IGSF10: variants seen among roughly 807,000 people sequenced by gnomAD.
IGSF10 encodes the protein immunoglobulin superfamily member 10.
IGSF10 carries 126 observed loss-of-function variants against 128.2 expected under a neutral mutation model. The observed-to-expected ratio is 0.98, with a 90% CI of 0.85 to 1.14. The LOEUF (loss-of-function observed/expected upper bound fraction) is 1.14, where lower values mean the gene tolerates loss of function less well. Among genes scored for constraint, IGSF10 ranks in the 50% most tolerant of loss-of-function variants. The probability of loss-of-function intolerance (pLI) is 0.00; values close to 1 mark genes in which losing one functional copy is unlikely to be tolerated. For synonymous variants in IGSF10, 1,185 were observed against 1,146.2 expected (o/e 1.03, Z -0.68); for missense variants, 3,295 against 3,149.8 (o/e 1.05, Z -1.10).
At chr3:151,588,293 G>T in the IGSF10 span, among the ~76,000 whole-genome samples, 1 of 152,092 alleles carries the variant, frequency 6.6e-6, no homozygotes, top group East Asian at 1.9e-4. Flanking sequence ...GGCCTTTCTT[G>T]TTCTGGTCCT....
In IGSF10 at chr3:151,437,394, C is replaced by CAGAT; in HGVS notation, c.7163_7166dup (p.Ile2390SerfsTer12). ...TGATAAAAGAACCATTGCTTGCTAT[C>CAGAT]AGATACTGATAACTTTGTGGTCCAT... On this transcript the variant is annotated frameshift_variant, in exon 8 of 8. Coordinates refer to ENST00000282466, the MANE Select transcript of IGSF10 (RefSeq NM_178822.5). LOFTEE classifies it low-confidence loss of function (END_TRUNC). The CAGAT allele has an allele frequency of 6.2e-7, 1 of 1,614,200 alleles. No individual in the cohort carries two copies. The highest frequency in any genetic ancestry group is 8.5e-7 in the Non-Finnish European group (1 of 1,180,010).
intron 3 of IGSF10, among the ~76,000 whole-genome samples, chr3:151,457,832 T>A (rs1401191087): frequency 6.6e-6 from 1 of 152,164 alleles, no homozygotes; most frequent in Non-Finnish European, 1.5e-5. Context: ...GCTCTATTAG[T>A]TTTTATTAAT....
the IGSF10 span, among the ~76,000 whole-genome samples, chr3:151,508,055 T>C: frequency 0.023 from 3,479 of 152,246 alleles, 68 homozygotes; most frequent in Middle Eastern, 0.038. Flanking sequence ...TCTAGAGTTT[T>C]CACTAGGAAT....
At chr3:151,543,399 A>G in the IGSF10 span, among the ~76,000 whole-genome samples, 5 of 152,020 alleles carry the variant, frequency 3.3e-5, no homozygotes, top group East Asian at 3.9e-4. Flanking sequence ...TGTGGCTTCT[A>G]CTACCCCCAC....
chr3:151,574,776 C>T, the IGSF10 span, among the ~76,000 whole-genome samples: 3 of 152,202 alleles, frequency 2.0e-5, no homozygotes, highest in African/African-American at 7.2e-5. Context: ...TGAGGAGCTG[C>T]AATCCTTTGG....
intron 4 of IGSF10, among the ~76,000 whole-genome samples, chr3:151,454,389 G>A (rs1446737981): frequency 1.3e-5 from 2 of 152,124 alleles, no homozygotes; most frequent in African/African-American, 4.8e-5. Context: ...TTAATTTTGA[G>A]ATATATAGAA....
chr3:151,517,282 G>A, the IGSF10 span, among the ~76,000 whole-genome samples: 2 of 151,972 alleles, frequency 1.3e-5, no homozygotes, highest in Non-Finnish European at 2.9e-5. Context: ...AGATATTATA[G>A]AGATTTAGTT....
At chr3:151,461,312 G>T (rs2108584372), upstream of IGSF10, 1 of 985,410 alleles carries the variant, frequency 1.0e-6, no homozygotes, top group Middle Eastern at 5.2e-4. Context: ...TCTTCCACCT[G>T]TTGACAGGTG....
At chr3:151,492,555 T>C in the IGSF10 span, among the ~76,000 whole-genome samples, 3 of 152,088 alleles carry the variant, frequency 2.0e-5, no homozygotes, top group South Asian at 6.2e-4. Context: ...ACACCTCTAC[T>C]AAAAATACAA....
downstream of IGSF10, chr3:151,435,145 C>CCTGGTA (rs1719992597): frequency 6.7e-6 from 1 of 149,506 alleles, no homozygotes; most frequent in Admixed American, 6.7e-5. Context: ...TGTGGCAGAA[C>CCTGGTA]CTGGTACTTT....
chr3:151,575,548 C>T, the IGSF10 span, among the ~76,000 whole-genome samples: 2 of 152,348 alleles, frequency 1.3e-5, no homozygotes, highest in South Asian at 4.1e-4. Context: ...AGGATATAAT[C>T]TCCTGGTGTA....
the IGSF10 span, among the ~76,000 whole-genome samples, chr3:151,507,432 G>GT: frequency 6.6e-6 from 1 of 152,124 alleles, no homozygotes; most frequent in Non-Finnish European, 1.5e-5. Context: ...AAATATCTGA[G>GT]TAATCTGTAA....
At chr3:151,599,802 G>T in the IGSF10 span, among the ~76,000 whole-genome samples, 1 of 151,796 alleles carries the variant, frequency 6.6e-6, no homozygotes, top group South Asian at 2.1e-4. Flanking sequence ...TTGCCTCATG[G>T]CCCTCAAAGC....
the IGSF10 span, among the ~76,000 whole-genome samples, chr3:151,491,784 C>G: frequency 6.6e-6 from 1 of 152,092 alleles, no homozygotes. Context: ...GGGAATACTT[C>G]CAAACACATG....
the IGSF10 span, among the ~76,000 whole-genome samples, chr3:151,589,487 T>C: frequency 2.0e-5 from 3 of 152,192 alleles, no homozygotes; most frequent in African/African-American, 4.8e-5. Flanking sequence ...CCAGAGACCA[T>C]GTTGCCTTTG....
chr3:151,600,578 C>T, the IGSF10 span, among the ~76,000 whole-genome samples: 1 of 152,122 alleles, frequency 6.6e-6, no homozygotes, highest in African/African-American at 2.4e-5. Flanking sequence ...AGTATACCTA[C>T]ATTTTTATGC....
intron 5 of IGSF10, among the ~76,000 whole-genome samples, chr3:151,451,195 C>A (rs1382950075): frequency 6.6e-6 from 1 of 152,102 alleles, no homozygotes; most frequent in Non-Finnish European, 1.5e-5. Context: ...CCCTGCCATG[C>A]CCCATTGGCT....
chr3:151,608,343 C>T, the IGSF10 span, among the ~76,000 whole-genome samples: 1 of 152,158 alleles, frequency 6.6e-6, no homozygotes, highest in Non-Finnish European at 1.5e-5. Flanking sequence ...TTGCATGGAG[C>T]TGAGCATGGT....
At chr3:151,552,522 A>G in the IGSF10 span, among the ~76,000 whole-genome samples, 1 of 152,072 alleles carries the variant, frequency 6.6e-6, no homozygotes, top group Non-Finnish European at 1.5e-5. Flanking sequence ...GGGCATTAAG[A>G]TCAATAGACC....
Sources: allele counts gnomAD v4.1 joint callset (sites outside exome capture counted in the v4.1 genomes callset), GRCh38; gene constraint gnomAD v4.1.1; transcripts MANE v1.5; gene names NCBI Gene and HGNC (gene_info 2026-07-23, HGNC 2026-07-21).